Variants in RSRC1 observed in about 807,000 individuals in gnomAD.
RSRC1 encodes arginine and serine rich coiled-coil 1.
A neutral mutation model predicts 49.1 loss-of-function variants in RSRC1; 39 were observed. The observed-to-expected ratio is 0.79, with a 90% CI of 0.61 to 1.04. RSRC1 has a LOEUF of 1.04. Ranked by LOEUF, RSRC1 falls within the 50% of genes least tolerant of loss-of-function variation. The pLI is 0.00. For missense variants in RSRC1, 388 were observed against 402.4 expected (o/e 0.96, Z 0.31); for synonymous variants, 143 against 130.8 (o/e 1.09, Z -0.63).
intron 7 of RSRC1, among the ~76,000 whole-genome samples, chr3:158,518,570 A>G (rs1740735799): frequency 6.6e-6 from 1 of 152,110 alleles, no homozygotes; most frequent in African/African-American, 2.4e-5. Flanking sequence ...TTAATTTATC[A>G]TATATCCATA....
intron 3 of RSRC1, among the ~76,000 whole-genome samples, chr3:158,180,391 T>G (rs1016704687): frequency 1.6e-5 from 2 of 127,116 alleles, no homozygotes; most frequent in African/African-American, 7.0e-5. Context: ...TAGGTCGAGG[T>G]TCTTTTTTTT....
At chr3:158,515,365 T>A (rs1462622482) in intron 7 of RSRC1, among the ~76,000 whole-genome samples, 3 of 126,778 alleles carry the variant, frequency 2.4e-5, no homozygotes, top group Non-Finnish European at 5.0e-5. Context: ...TGAAGCTTAG[T>A]TTGGCTGGAT....
intron 7 of RSRC1, among the ~76,000 whole-genome samples, chr3:158,507,480 G>T (rs1025268390): frequency 6.6e-6 from 1 of 151,912 alleles, no homozygotes; most frequent in African/African-American, 2.4e-5. Context: ...TATCAAAATA[G>T]CACAGGTACC....
chr3:158,175,649 A>G (rs1719160632), intron 3 of RSRC1, among the ~76,000 whole-genome samples: 1 of 152,156 alleles, frequency 6.6e-6, no homozygotes, highest in Admixed American at 6.6e-5. Context: ...CCTTACACCA[A>G]TTCCACGTTG....
intron 6 of RSRC1, among the ~76,000 whole-genome samples, chr3:158,365,080 C>T (rs1333538760): frequency 1.3e-5 from 2 of 152,020 alleles, no homozygotes; most frequent in Non-Finnish European, 2.9e-5. Context: ...GCCACATGTC[C>T]TCCTCATACC....
At chr3:158,416,556 A>G (rs1373127214) in intron 6 of RSRC1, among the ~76,000 whole-genome samples, 2 of 152,018 alleles carry the variant, frequency 1.3e-5, no homozygotes, top group African/African-American at 2.4e-5. Flanking sequence ...AACAGCAACC[A>G]TCAGGCACAT....
intron 6 of RSRC1, among the ~76,000 whole-genome samples, chr3:158,458,655 G>T (rs1470417144): frequency 6.6e-6 from 1 of 152,138 alleles, no homozygotes; most frequent in East Asian, 1.9e-4. Flanking sequence ...TTTGGTAAAT[G>T]AAGTGCTTAA....
chr3:158,504,962 T>C (rs551992017), intron 7 of RSRC1, among the ~76,000 whole-genome samples: 2 of 152,358 alleles, frequency 1.3e-5, no homozygotes, highest in East Asian at 1.9e-4. Flanking sequence ...TTGGACTGTT[T>C]AGGCTTTTGA....
chr3:158,404,003 T>C (rs1734024000), intron 6 of RSRC1, among the ~76,000 whole-genome samples: 1 of 151,910 alleles, frequency 6.6e-6, no homozygotes, highest in Non-Finnish European at 1.5e-5. Flanking sequence ...TTAAAATGTG[T>C]AAACGTACAG....
chr3:158,473,406 C>T (rs371504409), intron 7 of RSRC1, among the ~76,000 whole-genome samples: 10 of 151,926 alleles, frequency 6.6e-5, no homozygotes, highest in African/African-American at 1.9e-4. Flanking sequence ...AGCAAACTAT[C>T]GCAAGGACAA....
At chr3:158,514,603 G>A (rs1347050239) in intron 7 of RSRC1, among the ~76,000 whole-genome samples, 2 of 152,078 alleles carry the variant, frequency 1.3e-5, no homozygotes, top group East Asian at 1.9e-4. Context: ...GTTGATTTGG[G>A]ATGGAGAGTT....
intron 3 of RSRC1, among the ~76,000 whole-genome samples, chr3:158,157,753 TA>T (rs1717966961): frequency 6.6e-6 from 1 of 152,046 alleles, no homozygotes; most frequent in Non-Finnish European, 1.5e-5. Context: ...CCATGTCTAC[TA>T]AAAATACAAA....
intron 7 of RSRC1, among the ~76,000 whole-genome samples, chr3:158,501,851 A>G (rs1560067253): frequency 6.6e-6 from 1 of 152,118 alleles, no homozygotes; most frequent in Non-Finnish European, 1.5e-5. Flanking sequence ...TTTACATTCA[A>G]TGTTAGTATT....
At chr3:158,470,190 C>T (rs1738066736) in intron 7 of RSRC1, among the ~76,000 whole-genome samples, 1 of 151,866 alleles carries the variant, frequency 6.6e-6, no homozygotes, top group Non-Finnish European at 1.5e-5. Flanking sequence ...TTTCCCAATA[C>T]ATATTGTTAG....
chr3:158,499,361 A>C (rs1359500407), intron 7 of RSRC1, among the ~76,000 whole-genome samples: 2 of 152,018 alleles, frequency 1.3e-5, no homozygotes, highest in African/African-American at 4.8e-5. Flanking sequence ...TGGGTGACAG[A>C]GCGAGACTGT....
At chr3:158,354,313 A>G (rs1254277373) in intron 5 of RSRC1, among the ~76,000 whole-genome samples, 1 of 152,148 alleles carries the variant, frequency 6.6e-6, no homozygotes. Context: ...TTTCATTGTT[A>G]TCAACTATAT....
chr3:158,268,498 C>A (rs954333559), intron 4 of RSRC1, among the ~76,000 whole-genome samples: 5 of 152,108 alleles, frequency 3.3e-5, no homozygotes, highest in Non-Finnish European at 7.4e-5. Flanking sequence ...ACCTTGAACC[C>A]AAAGGCTGGG....
intron 3 of RSRC1, among the ~76,000 whole-genome samples, chr3:158,183,528 T>C (rs543950074): frequency 2.0e-5 from 3 of 152,178 alleles, no homozygotes; most frequent in Non-Finnish European, 4.4e-5. Context: ...GACATGATTA[T>C]ATATTGAAAC....
At chr3:158,391,237 C>G (rs1031211185) in intron 6 of RSRC1, among the ~76,000 whole-genome samples, 10 of 151,978 alleles carry the variant, frequency 6.6e-5, no homozygotes, top group African/African-American at 2.4e-4. Context: ...GCAGTTTAAC[C>G]TTTTAACCTT....
Sources: gnomAD v4.1 joint callset for allele counts (sites outside exome capture counted in the v4.1 genomes callset) on GRCh38, gnomAD v4.1.1 for gene constraint, MANE v1.5 for transcripts, NCBI Gene and HGNC (gene_info 2026-07-23, HGNC 2026-07-21) for gene names.